PCSK2: variants seen among roughly 807,000 people sequenced by gnomAD.
PCSK2 encodes neuroendocrine convertase 2.
Under a neutral mutation model 69.7 loss-of-function variants are expected in PCSK2, and 14 were observed. The observed-to-expected ratio is 0.20, with a 90% CI of 0.13 to 0.31. PCSK2 has a LOEUF of 0.31. PCSK2 is among the 10% of genes least tolerant of loss of function. PCSK2 has a pLI of 1.00. For synonymous variants in PCSK2, 307 were observed against 320.7 expected (o/e 0.96, Z 0.46); for missense variants, 544 against 842.5 (o/e 0.65, Z 4.39).
intron 8 of PCSK2, among the ~76,000 whole-genome samples, chr20:17,444,975 T>C (rs2269019): frequency 0.081 from 12,357 of 152,234 alleles, 588 homozygotes; most frequent in East Asian, 0.17. Context: ...AAGATGCATA[T>C]GCTGACATTT....
At chr20:17,358,025 G>A (rs1409303581) in intron 2 of PCSK2, among the ~76,000 whole-genome samples, 1 of 152,130 alleles carries the variant, frequency 6.6e-6, no homozygotes, top group Non-Finnish European at 1.5e-5. Flanking sequence ...ATGGTAACGG[G>A]TCAGGCACAG....
chr20:17,482,124 T>C lies in PCSK2; in HGVS notation c.*54T>C. 6.7e-7 allele frequency: 1 copy of C among 1,495,110 alleles called. No individual in the cohort carries two copies. Among genetic ancestry groups the C allele is most frequent in the Non-Finnish European group, 8.9e-7 (1 of 1,125,774 alleles). The allele number at this position is 1,495,110 out of a possible 1,614,324, so 92.6% of individuals were successfully genotyped here. On this transcript the variant is annotated 3_prime_UTR_variant, in exon 12 of 12. Transcript: ENST00000262545. ...TCCCTCCCCAGCTCCGCCTCTGTCC[T>C]CGCTCCACGTTTCAGGCAGGCACCT...
intron 2 of PCSK2, among the ~76,000 whole-genome samples, chr20:17,271,210 G>A (rs1987853483): frequency 6.6e-6 from 1 of 151,442 alleles, no homozygotes; most frequent in African/African-American, 2.4e-5. Context: ...ATCCTGTACT[G>A]TTCAAACCAA....
At chr20:17,235,017 A>G (rs913476473) in intron 1 of PCSK2, among the ~76,000 whole-genome samples, 4 of 152,174 alleles carry the variant, frequency 2.6e-5, no homozygotes, top group Non-Finnish European at 4.4e-5. Context: ...TCCACAAGTG[A>G]TTAAGAAGTC....
intron 2 of PCSK2, among the ~76,000 whole-genome samples, chr20:17,320,349 C>T (rs1370973417): frequency 6.6e-6 from 1 of 152,192 alleles, no homozygotes; most frequent in Non-Finnish European, 1.5e-5. Flanking sequence ...TCGCAAGACA[C>T]ATCCTCCTGG....
intron 2 of PCSK2, among the ~76,000 whole-genome samples, chr20:17,355,452 T>G (rs1352704782): frequency 6.6e-6 from 1 of 152,150 alleles, no homozygotes; most frequent in Non-Finnish European, 1.5e-5. Flanking sequence ...AGGCCTCTCG[T>G]TGTGGAACCA....
At chr20:17,428,059 T>C (rs773049983) in intron 6 of PCSK2, among the ~76,000 whole-genome samples, 3 of 152,196 alleles carry the variant, frequency 2.0e-5, no homozygotes, top group Non-Finnish European at 4.4e-5. Flanking sequence ...GATTGCTAAT[T>C]AGTGTTGCCT....
chr20:17,393,146 G>A (rs1184935715), intron 5 of PCSK2, among the ~76,000 whole-genome samples: 1 of 152,156 alleles, frequency 6.6e-6, no homozygotes, highest in Non-Finnish European at 1.5e-5. Flanking sequence ...CCCAGAATCA[G>A]ATAAGGACTC....
intron 2 of PCSK2, among the ~76,000 whole-genome samples, chr20:17,342,607 C>T (rs1990537811): frequency 6.6e-6 from 1 of 151,814 alleles, no homozygotes. Flanking sequence ...CATGAGCCAC[C>T]AGGCCTCGCC....
At chr20:17,466,323 G>C (rs1284554286) in intron 11 of PCSK2, among the ~76,000 whole-genome samples, 1 of 152,162 alleles carries the variant, frequency 6.6e-6, no homozygotes, top group Admixed American at 6.5e-5. Context: ...ATTTCGCTTG[G>C]AGTTATGTTT....
chr20:17,383,088 C>G (rs529865079), intron 5 of PCSK2, among the ~76,000 whole-genome samples: 21 of 152,324 alleles, frequency 1.4e-4, no homozygotes, highest in Non-Finnish European at 2.2e-4. Context: ...ACCTCTTTAT[C>G]CGCAGCACAG....
chr20:17,359,855 T>G (rs1232416622), intron 3 of PCSK2, among the ~76,000 whole-genome samples: 3 of 152,206 alleles, frequency 2.0e-5, no homozygotes, highest in Non-Finnish European at 2.9e-5. Context: ...ACATGAAGAT[T>G]GGGAGTGGAC....
At chr20:17,231,909 T>A (rs1986155692) in intron 1 of PCSK2, among the ~76,000 whole-genome samples, 1 of 152,166 alleles carries the variant, frequency 6.6e-6, no homozygotes, top group African/African-American at 2.4e-5. Context: ...TCTCATCCCC[T>A]GGAGACCTCT....
chr20:17,323,669 G>T (rs753685284), intron 2 of PCSK2, among the ~76,000 whole-genome samples: 1 of 152,338 alleles, frequency 6.6e-6, no homozygotes, highest in Non-Finnish European at 1.5e-5. Context: ...AGTAACTAAA[G>T]CTTTGTTATA....
At chr20:17,396,861 G>A (rs968582888) in intron 5 of PCSK2, among the ~76,000 whole-genome samples, 1 of 152,094 alleles carries the variant, frequency 6.6e-6, no homozygotes, top group African/African-American at 2.4e-5. Flanking sequence ...GTCACCATGG[G>A]GGGCATAGAG....
At chr20:17,347,701 C>T (rs917249838) in intron 2 of PCSK2, among the ~76,000 whole-genome samples, 1 of 151,600 alleles carries the variant, frequency 6.6e-6, no homozygotes, top group Non-Finnish European at 1.5e-5. Context: ...GAAGGCAGTG[C>T]ATGTGAGGAG....
intron 2 of PCSK2, among the ~76,000 whole-genome samples, chr20:17,330,463 G>T (rs1388861834): frequency 1.3e-5 from 2 of 151,868 alleles, no homozygotes; most frequent in African/African-American, 2.4e-5. Flanking sequence ...GCATGGTGGC[G>T]CGTGTCTTTA....
intron 6 of PCSK2, among the ~76,000 whole-genome samples, chr20:17,423,894 G>A (rs1187143338): frequency 6.6e-6 from 1 of 152,104 alleles, no homozygotes; most frequent in African/African-American, 2.4e-5. Flanking sequence ...AATGCAAAAT[G>A]AAACAATAAC....
chr20:17,413,955 G>T (rs1257460203), intron 6 of PCSK2, among the ~76,000 whole-genome samples: 1 of 152,136 alleles, frequency 6.6e-6, no homozygotes, highest in Non-Finnish European at 1.5e-5. Flanking sequence ...CGAAATGAAG[G>T]CAGAAATAAA....
Sources: gnomAD v4.1 joint callset for allele counts (sites outside exome capture counted in the v4.1 genomes callset) on GRCh38, gnomAD v4.1.1 for gene constraint, MANE v1.5 for transcripts, NCBI Gene and HGNC (gene_info 2026-07-23, HGNC 2026-07-21) for gene names.